The following PTPRO variants were observed in gnomAD, a reference collection of about 807,000 sequenced individuals.
PTPRO encodes the protein protein tyrosine phosphatase receptor type O.
PTPRO carries 62 observed loss-of-function variants against 145.2 expected under a neutral mutation model. That is an observed-to-expected ratio of 0.43 (90% CI 0.35 to 0.53). The LOEUF (loss-of-function observed/expected upper bound fraction) is 0.53. Among genes scored for constraint, PTPRO ranks in the 20% least tolerant of loss-of-function variants. The probability of loss-of-function intolerance (pLI) is 0.01; values close to 1 mark genes in which losing one functional copy is unlikely to be tolerated. For synonymous variants in PTPRO, 565 were observed against 514.7 expected (o/e 1.10, Z -1.32); for missense variants, 1,345 against 1,482.7 (o/e 0.91, Z 1.53).
chr12:15,455,316 C>A (rs573538499), intron 1 of PTPRO, among the ~76,000 whole-genome samples: 34 of 150,174 alleles, frequency 2.3e-4, no homozygotes, highest in South Asian at 6.2e-4. Context: ...CCTTCCCCCC[C>A]ACACACACAA....
chr12:15,448,356 A>AAAAAAAAAAAAAAAAAAAAC (rs1427992443), intron 1 of PTPRO, among the ~76,000 whole-genome samples: 1 of 149,236 alleles, frequency 6.7e-6, no homozygotes, highest in Non-Finnish European at 1.5e-5. Context: ...AAAAAAAAAA[A>AAAAAAAAAAAAAAAAAAAAC]AAAAGCACCG....
At chr12:15,435,205 T>C (rs1282071821) in intron 1 of PTPRO, among the ~76,000 whole-genome samples, 1 of 152,218 alleles carries the variant, frequency 6.6e-6, no homozygotes, top group Admixed American at 6.5e-5. Flanking sequence ...AGAGTGATTG[T>C]AGCTATCAAA....
chr12:15,560,693 A>G (rs1943751037), intron 17 of PTPRO, among the ~76,000 whole-genome samples: 1 of 152,094 alleles, frequency 6.6e-6, no homozygotes, highest in African/African-American at 2.4e-5. Context: ...CCTTGTTTTT[A>G]TAATAATGCT....
Position 15,497,230 on chromosome 12 carries a change from ACTTCAC to A in PTPRO, c.350-14_350-9del, listed in dbSNP as rs761932153. 2.8e-5 allele frequency: 44 copies of A among 1,545,410 alleles called. 2 individuals are homozygous for A. In the African/African-American group the frequency reaches 3.1e-4, roughly 11 times the overall value. ...CTCTTTCTTTTCCCTTTCTCCATTT[ACTTCAC>A]TTCTGTAGAACCTCTACCTGTAACC... On this transcript the variant is annotated splice_polypyrimidine_tract_variant and intron_variant, in intron 2 of 26. Coordinates refer to ENST00000281171, the MANE Select transcript of PTPRO (RefSeq NM_030667.3).
chr12:15,582,039 A>G (rs1294171844), intron 23 of PTPRO, among the ~76,000 whole-genome samples: 1 of 152,256 alleles, frequency 6.6e-6, no homozygotes. Context: ...TCTATAGATT[A>G]TAGATTAACT....
At chr12:15,513,153 AAGAAAAAGAAAGAAAGAAAGAAAGAAAG>A (rs1259937650) in intron 7 of PTPRO, among the ~76,000 whole-genome samples, 8 of 34,704 alleles carry the variant, frequency 2.3e-4, no homozygotes, top group Admixed American at 8.5e-4. Flanking sequence ...GAAAGAAAGA[AAGAAAAAGAAAGAAAGAAAGAAAGAAAG>A]AAAGAAAGAA....
At chr12:15,405,140 G>T (rs1939611386) in intron 1 of PTPRO, among the ~76,000 whole-genome samples, 2 of 152,138 alleles carry the variant, frequency 1.3e-5, no homozygotes, top group Admixed American at 1.3e-4. Flanking sequence ...TGAATTTGGG[G>T]TGACATAAAC....
chr12:15,428,841 T>C (rs1317633194), intron 1 of PTPRO, among the ~76,000 whole-genome samples: 1 of 152,070 alleles, frequency 6.6e-6, no homozygotes, highest in Non-Finnish European at 1.5e-5. Context: ...ATTTCAGCAT[T>C]TCCATTCACA....
intron 16 of PTPRO, among the ~76,000 whole-genome samples, chr12:15,558,277 A>G (rs1943689963): frequency 1.3e-5 from 2 of 152,222 alleles, no homozygotes; most frequent in Admixed American, 6.5e-5. Flanking sequence ...TGAGGCAATA[A>G]GAGCCACCAC....
intron 1 of PTPRO, among the ~76,000 whole-genome samples, chr12:15,406,252 G>T (rs976848040): frequency 2.0e-5 from 3 of 152,036 alleles, no homozygotes; most frequent in Non-Finnish European, 4.4e-5. Context: ...CTGTGTATGC[G>T]GCCATTGCAC....
At chr12:15,524,429 A>C (rs567686788) in intron 10 of PTPRO, among the ~76,000 whole-genome samples, 1 of 152,266 alleles carries the variant, frequency 6.6e-6, no homozygotes, top group East Asian at 1.9e-4. Flanking sequence ...CAGGACTCTA[A>C]GTTTTTTAAT....
intron 12 of PTPRO, among the ~76,000 whole-genome samples, chr12:15,532,401 TG>T (rs1942980578): frequency 6.6e-6 from 1 of 152,190 alleles, no homozygotes; most frequent in African/African-American, 2.4e-5. Flanking sequence ...GGATTTTCTC[TG>T]GTATGACATT....
At chr12:15,357,851 A>G (rs1456293996) in intron 1 of PTPRO, among the ~76,000 whole-genome samples, 1 of 149,570 alleles carries the variant, frequency 6.7e-6, no homozygotes, top group Non-Finnish European at 1.5e-5. Context: ...ATCTAGAACT[A>G]GAAATACCAT....
At chr12:15,354,180 A>T (rs975143994) in intron 1 of PTPRO, among the ~76,000 whole-genome samples, 2 of 152,194 alleles carry the variant, frequency 1.3e-5, no homozygotes, top group African/African-American at 4.8e-5. Flanking sequence ...ATGGTCTGCC[A>T]CAATGGGCTG....
chr12:15,412,019 C>G (rs1426530519), intron 1 of PTPRO, among the ~76,000 whole-genome samples: 1 of 152,206 alleles, frequency 6.6e-6, no homozygotes, highest in Non-Finnish European at 1.5e-5. Context: ...CCACCCTGTT[C>G]ATTGTTTTAC....
intron 1 of PTPRO, among the ~76,000 whole-genome samples, chr12:15,434,587 T>C (rs1940543849): frequency 6.6e-6 from 1 of 152,220 alleles, no homozygotes; most frequent in Non-Finnish European, 1.5e-5. Context: ...GGAATTTTTT[T>C]CCAATGTATG....
Position 15,501,907 on chromosome 12 carries a change from C to T in PTPRO, c.949C>T (p.Leu317Phe), listed in dbSNP as rs200962971. ...PESEDEFVSV[L>F]PMEYENNSTL... ...AAGTGAAGATGAATTTGTCAGCGTA[C>T]TTCCCATGGAATACGAAAATAACAG... The change falls in exon 5 of 27, where the codon CTT (leucine) becomes TTT (phenylalanine). Residue 317 changes from leucine to phenylalanine, a missense_variant. Leu to Phe is a conservative substitution (Grantham distance 22, BLOSUM62 0). This residue lies in a region of PTPRO where 1,130 missense variants were observed against 1,214.7 expected (regional missense o/e 0.93). Transcript: ENST00000281171. 1 of 1,614,056 alleles carries T rather than the reference C, an allele frequency of 6.2e-7. No homozygotes were observed. The highest frequency in any genetic ancestry group is 2.2e-5 in the East Asian group (1 of 44,850).
chr12:15,583,212 T>C (rs992288418), intron 23 of PTPRO, among the ~76,000 whole-genome samples: 3 of 152,210 alleles, frequency 2.0e-5, no homozygotes, highest in East Asian at 3.8e-4. Flanking sequence ...CTGAGTATGG[T>C]GGTTCATGCC....
At chr12:15,582,385 G>A (rs1161550175) in intron 23 of PTPRO, among the ~76,000 whole-genome samples, 1 of 152,230 alleles carries the variant, frequency 6.6e-6, no homozygotes, top group Non-Finnish European at 1.5e-5. Context: ...CCAACCCAAT[G>A]AGCACTTTGA....
Sources: allele counts gnomAD v4.1 joint callset (sites outside exome capture counted in the v4.1 genomes callset), GRCh38; gene constraint gnomAD v4.1.1; regional missense constraint gnomAD v4.1.1; transcripts MANE v1.5; gene names NCBI Gene and HGNC (gene_info 2026-07-23, HGNC 2026-07-21).